CASK: variants seen among roughly 807,000 people sequenced by gnomAD.
CASK encodes peripheral plasma membrane protein CASK.
A neutral mutation model predicts 82.9 loss-of-function variants in CASK; 4 were observed. The ratio of observed to expected loss-of-function variants is 0.05; its 90% CI spans 0.02 to 0.11. The LOEUF is 0.11. Ranked by LOEUF, CASK falls within the 10% of genes least tolerant of loss-of-function variation. The pLI is 1.00. For missense variants in CASK, 358 were observed against 720.9 expected, an observed-to-expected ratio of 0.50 and a Z score of 5.76; for synonymous variants, 259 against 253.5, an observed-to-expected ratio of 1.02 and a Z score of -0.20.
At chrX:41,741,239 A>C (rs2068593300) in intron 4 of CASK, among the ~76,000 whole-genome samples, 1 of 111,962 alleles carries the variant, frequency 8.9e-6, no homozygotes, top group Non-Finnish European at 1.9e-5. Flanking sequence ...ACTGGTTCAA[A>C]TCAGGCTTTG....
rs2072816827 is a variant in CASK, at chrX:41,923,095, C to T, written c.-107G>A. The T allele has an allele frequency of 4.4e-6, 3 of 680,801 alleles. No homozygotes were observed. In the Admixed American group the frequency reaches 7.8e-5, roughly 18 times the overall value. The allele number at this position is 680,801 out of a possible 1,213,427, so 56.1% of individuals were successfully genotyped here. Reference sequence around the variant, plus strand: ...GGGATCGCCTCCTCCCCTCAGGACCCGCGAGCCCTCGGTGCCGAGGACGCT... The same window carrying T: ...GGGATCGCCTCCTCCCCTCAGGACCTGCGAGCCCTCGGTGCCGAGGACGCT... On this transcript the variant is annotated 5_prime_UTR_variant, in exon 1 of 27. Transcript: ENST00000378163.
At chrX:41,546,642 AT>A (rs1381369037) in intron 21 of CASK, among the ~76,000 whole-genome samples, 1 of 105,106 alleles carries the variant, frequency 9.5e-6, no homozygotes, top group Non-Finnish European at 2.0e-5. Flanking sequence ...TAATTTTTGT[AT>A]TTTTTTTTCC....
intron 2 of CASK, among the ~76,000 whole-genome samples, chrX:41,835,051 T>A (rs1044501872): frequency 8.9e-6 from 1 of 111,839 alleles, no homozygotes; most frequent in Non-Finnish European, 1.9e-5. Flanking sequence ...TATTTTCTAT[T>A]CCCACAGCTT....
intron 1 of CASK, among the ~76,000 whole-genome samples, chrX:41,868,310 T>G (rs1281253111): frequency 8.9e-6 from 1 of 112,086 alleles, no homozygotes; most frequent in Non-Finnish European, 1.9e-5. Context: ...TGGCTTGAGA[T>G]CATGTAAAAG....
chrX:41,794,777 T>C (rs2069811869), intron 2 of CASK, among the ~76,000 whole-genome samples: 1 of 112,390 alleles, frequency 8.9e-6, no homozygotes, highest in Non-Finnish European at 1.9e-5. Flanking sequence ...TGAAATAAAA[T>C]GGGAATTCAA....
chrX:41,609,875 A>G, intron 12 of CASK, 29 bp downstream of exon 12: 1 of 1,205,343 alleles, frequency 8.3e-7, no homozygotes, highest in Non-Finnish European at 1.1e-6. Context: ...ATTCACCAAA[A>G]AAGAAGAATA....
intron 3 of CASK, among the ~76,000 whole-genome samples, chrX:41,757,971 C>A (rs777325960): frequency 8.9e-6 from 1 of 112,383 alleles, no homozygotes; most frequent in Non-Finnish European, 1.9e-5. Flanking sequence ...GAGTCATGTA[C>A]GCATAATCTT....
intron 3 of CASK, among the ~76,000 whole-genome samples, chrX:41,753,436 A>C (rs965102857): frequency 4.5e-5 from 5 of 112,299 alleles, no homozygotes; most frequent in African/African-American, 1.3e-4. Context: ...ATTAGAAAAT[A>C]TGAAAAGTTA....
At chrX:41,695,833 T>C (rs1419116759) in intron 5 of CASK, 2 of 1,198,301 alleles carry the variant, frequency 1.7e-6, no homozygotes, top group African/African-American at 3.5e-5. Context: ...ATTTTCATCG[T>C]GGGACTGGTT....
At chrX:41,866,276 C>T (rs967231565) in intron 1 of CASK, among the ~76,000 whole-genome samples, 6 of 112,529 alleles carry the variant, frequency 5.3e-5, no homozygotes, top group Non-Finnish European at 9.4e-5. Flanking sequence ...GGGATGAGCA[C>T]TCCCACTTAG....
intron 2 of CASK, among the ~76,000 whole-genome samples, chrX:41,844,452 T>C (rs938826024): frequency 3.6e-5 from 4 of 111,767 alleles, no homozygotes; most frequent in African/African-American, 1.3e-4. Context: ...TGCCTCTTTC[T>C]AGGAATTAGC....
intron 11 of CASK, among the ~76,000 whole-genome samples, chrX:41,619,459 C>T (rs1185743700): frequency 2.7e-5 from 3 of 110,961 alleles, no homozygotes; most frequent in Non-Finnish European, 5.7e-5. Context: ...TTGAATACTT[C>T]TACTTTTTCA....
At chrX:41,880,235 A>G (rs1277588035) in intron 1 of CASK, among the ~76,000 whole-genome samples, 1 of 111,906 alleles carries the variant, frequency 8.9e-6, no homozygotes, top group East Asian at 2.8e-4. Context: ...CAGGTAGCAC[A>G]AAGAGGGCTT....
intron 8 of CASK, among the ~76,000 whole-genome samples, chrX:41,644,447 C>T (rs2066718853): frequency 8.9e-6 from 1 of 112,042 alleles, no homozygotes; most frequent in African/African-American, 3.2e-5. Flanking sequence ...CCTGTCTTTA[C>T]TTTAATCTCT....
intron 14 of CASK, among the ~76,000 whole-genome samples, chrX:41,581,503 C>T (rs1381730240): frequency 9.1e-6 from 1 of 110,350 alleles, no homozygotes; most frequent in East Asian, 2.8e-4. Context: ...ATGTTAAATC[C>T]TCATGTTATA....
At chrX:41,900,739 CTTTTTTTTTTT>C (rs759671263) in intron 1 of CASK, among the ~76,000 whole-genome samples, 3 of 50,161 alleles carry the variant, frequency 6.0e-5, no homozygotes, top group African/African-American at 1.8e-4. Flanking sequence ...ATTTTGAAAT[CTTTTTTTTTTT>C]TTTTTTTTTT....
At chrX:41,591,195 A>G (rs1437729248) in intron 12 of CASK, among the ~76,000 whole-genome samples, 2 of 111,811 alleles carry the variant, frequency 1.8e-5, no homozygotes, top group African/African-American at 3.3e-5. Context: ...AGAAATGTCA[A>G]TGTTGTAACT....
chrX:41,573,683 T>C (rs1322947829), intron 15 of CASK, among the ~76,000 whole-genome samples: 2 of 112,035 alleles, frequency 1.8e-5, no homozygotes, highest in Non-Finnish European at 3.8e-5. Flanking sequence ...ATATTATAGG[T>C]CACACTTTCT....
chrX:41,639,113 C>T (rs1463797773), intron 8 of CASK, among the ~76,000 whole-genome samples: 1 of 99,361 alleles, frequency 1.0e-5, no homozygotes, highest in Non-Finnish European at 2.0e-5. Context: ...CTCACTCTGT[C>T]GCCAGGCTGG....
Sources: gnomAD v4.1 joint callset for allele counts (sites outside exome capture counted in the v4.1 genomes callset) on GRCh38, gnomAD v4.1.1 for gene constraint, MANE v1.5 for transcripts, NCBI Gene and HGNC (gene_info 2026-07-23, HGNC 2026-07-21) for gene names.